DMBT1: variants seen among roughly 807,000 people sequenced by gnomAD.
The protein encoded by DMBT1 is deleted in malignant brain tumors 1, also known as scavenger receptor cysteine-rich domain-containing protein DMBT1.
A neutral mutation model predicts 252.9 loss-of-function variants in DMBT1; 198 were observed. The observed-to-expected ratio is 0.78, with a 90% confidence interval of 0.70 to 0.88. The LOEUF (loss-of-function observed/expected upper bound fraction) is 0.88, where lower values mean the gene tolerates loss of function less well. Ranked by LOEUF, DMBT1 falls within the 40% of genes least tolerant of loss-of-function variation. The pLI is 0.00. For synonymous variants in DMBT1, 990 were observed against 942.7 expected, an observed-to-expected ratio of 1.05 and a Z score of -0.92; for missense variants, 2,432 against 2,404.7, an observed-to-expected ratio of 1.01 and a Z score of -0.24.
chr10:122,577,770 C>G, intron 7 of DMBT1, 41 bp from the exon 8 acceptor site: 1 of 1,612,752 alleles, frequency 6.2e-7, no homozygotes, highest in Non-Finnish European at 8.5e-7. Context: ...CTTGGAGTCA[C>G]TGAGTGTTTG....
intron 52 of DMBT1, 73 bp from the exon 53 acceptor site, chr10:122,635,918 C>T: frequency 6.5e-7 from 1 of 1,529,482 alleles, no homozygotes; most frequent in African/African-American, 1.4e-5. Context: ...GGTGTGACCC[C>T]ACCCTGAGAT....
Position 122,586,313 on chromosome 10 carries a change from G to A in DMBT1, c.1713G>A (p.Trp571Ter). Residue 571 changes from tryptophan to a stop codon, truncating the protein, a stop_gained, in exon 16 of 56, where the codon TGG becomes TGA. Transcript: ENST00000338354. LOFTEE classifies it high-confidence loss of function. ...VRCSGNESYL[W>*]SCPHNGWLSH... Reference sequence around the variant, plus strand: ...GCTCAGGGAATGAGTCCTACTTGTGGAGCTGCCCCCACAATGGCTGGCTCT... The same window carrying A: ...GCTCAGGGAATGAGTCCTACTTGTGAAGCTGCCCCCACAATGGCTGGCTCT... 6.3e-7 allele frequency: 1 copy of A among 1,588,694 alleles called. No homozygotes were observed. The highest frequency in any genetic ancestry group is 2.3e-5 in the East Asian group (1 of 42,742).
rs934718459 is a variant in DMBT1 at position 122,589,542 on chromosome 10, C to G, written c.2107+275C>G. Among the ~76,000 whole-genome samples the G allele has an allele frequency of 3.0e-4, 44 of 148,144 alleles. 1 individual carries two copies. The highest frequency in any genetic ancestry group is 1.0e-3 in the African/African-American group (42 of 41,142). On this transcript the variant is annotated intron_variant, in intron 17 of 55. Coordinates refer to ENST00000338354, the MANE Select transcript of DMBT1 (RefSeq NM_001377530.1). ...GAGGGAGAAGAGGAAAGGGCTGGGTCTTTGCATTTTAGTGTGGCTGGAAAG... is the reference window on the plus strand; with the variant it reads ...GAGGGAGAAGAGGAAAGGGCTGGGTGTTTGCATTTTAGTGTGGCTGGAAAG...
At position 122,566,900 on chromosome 10, in the gene DMBT1, G is replaced by A. The variant is rs140443175; in HGVS notation, c.91+904G>A. Among the ~76,000 whole-genome samples the A allele has an allele frequency of 7.2e-3, 1,102 of 152,292 alleles. 4 individuals carry two copies. Among genetic ancestry groups the A allele is most frequent in the Non-Finnish European group, 0.01 (712 of 68,016 alleles). On this transcript the variant is annotated intron_variant, in intron 2 of 55. Coordinates refer to ENST00000338354, the MANE Select transcript of DMBT1 (RefSeq NM_001377530.1). ...TTAGCTAATTTGTCAATATTTCTAT[G>A]TCTAAGATCATGTGTCTGGTGAGTA... is the stretch of plus-strand genomic sequence containing the variant.
intron 5 of DMBT1, 134 bp from the exon 6 acceptor site, chr10:122,573,581 G>A (rs1565587926): frequency 9.0e-7 from 1 of 1,106,600 alleles, no homozygotes; most frequent in Non-Finnish European, 1.4e-6. Flanking sequence ...TTGGCACATG[G>A]TTGGCTTTTA....
At chr10:122,572,484 A>G (rs2097673816) in intron 5 of DMBT1, 123 bp downstream of exon 5, 1 of 1,342,698 alleles carries the variant, frequency 7.4e-7, no homozygotes, top group East Asian at 2.3e-5. Context: ...GTGCTCAGGT[A>G]GTGTGGATAT....
chr10:122,620,242 G>C lies in DMBT1; in HGVS notation c.5246-11G>C, dbSNP rs756947893. The C allele has an allele frequency of 3.1e-6, 5 of 1,613,836 alleles. No individual in the cohort carries two copies. The highest frequency in any genetic ancestry group is 4.2e-6 in the Non-Finnish European group (5 of 1,179,830). ...TCTAATTTTGTCCTTTCTCTTTGTT[G>C]CAATTTACAGATACTTGGCTGACCA... On this transcript the variant is annotated splice_polypyrimidine_tract_variant and intron_variant, in intron 42 of 55. Coordinates refer to ENST00000338354, the MANE Select transcript of DMBT1 (RefSeq NM_001377530.1).
At chr10:122,571,067 A>C in intron 4 of DMBT1, 130 bp downstream of exon 4, 1 of 1,138,562 alleles carries the variant, frequency 8.8e-7, no homozygotes, top group Non-Finnish European at 1.3e-6. Flanking sequence ...GGTAGTGTGG[A>C]TATCACCTTG....
At position 122,618,108 on chromosome 10, in the gene DMBT1, C is replaced by A. The variant is rs778717555; in HGVS notation, c.4983C>A (p.Thr1661=). The change falls in exon 41 of 56, where the codon ACC becomes ACA. Residue 1661 remains threonine (T), a synonymous_variant. Transcript: ENST00000338354. ...VEVLYQGSWG[T]VCDDYWDTND... ...TCCTATACCAAGGCTCCTGGGGCAC[C>A]GTGTGTGATGACTACTGGGACACCA... 1 of 1,613,864 alleles carries A rather than the reference C, an allele frequency of 6.2e-7. No homozygotes were observed. The highest frequency in any genetic ancestry group is 8.5e-7 in the Non-Finnish European group (1 of 1,179,856).
intron 7 of DMBT1, 136 bp downstream of exon 7, chr10:122,576,858 C>T (rs2097716905): frequency 9.3e-7 from 1 of 1,072,624 alleles, no homozygotes; most frequent in Admixed American, 2.6e-5. Flanking sequence ...CAAACCCCAT[C>T]TCTATTAAAA....
Position 122,640,345 on chromosome 10 carries a change from A to T in DMBT1, c.7248A>T (p.Glu2416Asp). The change falls in exon 55 of 56, where the codon GAA (glutamate) becomes GAT (aspartate). Residue 2416 changes from glutamate to aspartate, a missense_variant. Glu to Asp is a conservative substitution (Grantham distance 45, BLOSUM62 2). This residue lies in a region of DMBT1 where 1,162 missense variants were observed against 1,169.0 expected (regional missense o/e 0.99). Transcript: ENST00000338354. ...ACCAGGACTTGTACGTTCAGGCTGAAATCCTCCATTCTGATGCTGTACTGA... is the reference window on the plus strand; with the variant it reads ...ACCAGGACTTGTACGTTCAGGCTGATATCCTCCATTCTGATGCTGTACTGA... ...DLNQDLYVQAEILHSDAVLTL... is the reference protein window; with the variant it reads ...DLNQDLYVQADILHSDAVLTL... The T allele has an allele frequency of 1.2e-6, 2 of 1,614,014 alleles. No individual in the cohort carries two copies. Among genetic ancestry groups the T allele is most frequent in the Non-Finnish European group, 1.7e-6 (2 of 1,179,896 alleles).
intron 53 of DMBT1, among the ~76,000 whole-genome samples, chr10:122,636,779 A>G (rs2098230305): frequency 6.6e-6 from 1 of 152,260 alleles, no homozygotes; most frequent in Non-Finnish European, 1.5e-5. Context: ...TCATGGCTAA[A>G]AGACCTTGTT....
At chr10:122,636,974 A>G (rs2098231702) in intron 53 of DMBT1, among the ~76,000 whole-genome samples, 154 bp from the exon 54 acceptor site, 1 of 151,964 alleles carries the variant, frequency 6.6e-6, no homozygotes, top group Admixed American at 6.6e-5. Context: ...TCCTTGGGGG[A>G]TTGCAGTGAG....
At chr10:122,637,014 T>G (rs2098232157) in intron 53 of DMBT1, 114 bp from the exon 54 acceptor site, 1 of 978,228 alleles carries the variant, frequency 1.0e-6, no homozygotes, top group Admixed American at 2.3e-5. Context: ...GTGCTGACCC[T>G]CCCTGTCAGC....
Position 122,599,966 on chromosome 10 carries a change from A to T in DMBT1, c.3281-98A>T. 3 of 1,498,914 alleles carry T rather than the reference A, an allele frequency of 2.0e-6. No homozygotes were observed. In the Admixed American group the frequency reaches 5.1e-5, roughly 26 times the overall value. The allele number at this position is 1,498,914 out of a possible 1,614,324, so 92.9% of individuals were successfully genotyped here. On this transcript the variant is annotated intron_variant, in intron 26 of 55. Transcript: ENST00000338354. ...CCCTGTGTGATAGGAACTAGGATGG[A>T]CTGAGTGTCAGACTCGCCCATTTCT...
chr10:122,630,440 T>C lies in DMBT1; in HGVS notation c.5975T>C (p.Ile1992Thr), dbSNP rs759252739. Reference sequence around the variant, plus strand: ...ATGACCATTCACTTTCGAAGTGACATCAGTTTCCAAAACACTGGCTTTTTG... The same window carrying C: ...ATGACCATTCACTTTCGAAGTGACACCAGTTTCCAAAACACTGGCTTTTTG... ...NRMTIHFRSDISFQNTGFLAW... is the reference protein window; with the variant it reads ...NRMTIHFRSDTSFQNTGFLAW... The change falls in exon 48 of 56, where the codon ATC (isoleucine) becomes ACC (threonine). Residue 1992 changes from isoleucine (I) to threonine (T), a missense_variant. By Grantham distance (89) the Ile-to-Thr change is moderately conservative. Coordinates refer to ENST00000338354, the MANE Select transcript of DMBT1 (RefSeq NM_001377530.1). The C allele has an allele frequency of 1.9e-6, 3 of 1,613,984 alleles. No homozygotes were observed. The East Asian group carries it at 6.7e-5, about 36-fold the overall frequency.
intron 50 of DMBT1, 91 bp downstream of exon 50, chr10:122,631,966 C>A: frequency 1.4e-6 from 2 of 1,426,036 alleles, no homozygotes; most frequent in African/African-American, 1.4e-5. Context: ...TGCTCACTCT[C>A]CAAGGAGTTC....
rs757788383 is a variant in DMBT1 at position 122,621,273 on chromosome 10, A to G, written c.5501A>G (p.Asp1834Gly). The G allele has an allele frequency of 6.8e-6, 11 of 1,613,650 alleles. No individual in the cohort carries two copies. Among genetic ancestry groups the G allele is most frequent in the African/African-American group, 2.7e-5 (2 of 74,902 alleles). Residue 1834 changes from aspartate (D) to glycine (G), a missense_variant, in exon 44 of 56, where the codon GAT becomes GGT. By Grantham distance (94) the Asp-to-Gly change is moderately conservative. This residue lies in a region of DMBT1 where 1,162 missense variants were observed against 1,169.0 expected (regional missense o/e 0.99). Coordinates refer to ENST00000338354, the MANE Select transcript of DMBT1 (RefSeq NM_001377530.1). ...FGQGSGPIVL[D>G]DVRCSGNESY... ...CAGGGCTCAGGACCCATTGTCCTGG[A>G]TGATGTGCGCTGCTCAGGGAATGAG...
At chr10:122,594,182 C>T (rs1389314681) in intron 21 of DMBT1, among the ~76,000 whole-genome samples, 33 of 138,612 alleles carry the variant, frequency 2.4e-4, no homozygotes, top group East Asian at 1.1e-3. Context: ...GTGTCCGAGC[C>T]TCAGCAATGG....
Sources: gnomAD v4.1 joint callset for allele counts (sites outside exome capture counted in the v4.1 genomes callset) on GRCh38, gnomAD v4.1.1 for gene constraint, gnomAD v4.1.1 regional missense constraint, MANE v1.5 for transcripts, NCBI Gene and HGNC (gene_info 2026-07-23, HGNC 2026-07-21) for gene names.